Variants in SMYD3 observed in about 807,000 individuals in gnomAD.
The protein encoded by SMYD3 is SET and MYND domain containing 3.
SMYD3 carries 36 observed loss-of-function variants against 57.7 expected under a neutral mutation model. The observed-to-expected ratio is 0.62, with a 90% CI of 0.48 to 0.82. SMYD3 has a LOEUF of 0.82. Ranked by LOEUF, SMYD3 falls within the 40% of genes least tolerant of loss-of-function variation. SMYD3 has a pLI of 0.00. For synonymous variants in SMYD3, 211 were observed against 195.0 expected (o/e 1.08, Z -0.68); for missense variants, 515 against 538.8 (o/e 0.96, Z 0.44).
intron 1 of SMYD3, among the ~76,000 whole-genome samples, chr1:246,481,664 TTA>T (rs1171627823): frequency 2.7e-5 from 3 of 112,790 alleles, no homozygotes; most frequent in African/African-American, 9.3e-5. Flanking sequence ...ATATATATAA[TTA>T]TATATATAAA....
chr1:245,792,415 G>A (rs1379780585), intron 10 of SMYD3, among the ~76,000 whole-genome samples: 3 of 152,116 alleles, frequency 2.0e-5, no homozygotes, highest in Admixed American at 6.5e-5. Context: ...GATTCTCTTG[G>A]TAATCAGATT....
rs762345349 is a variant in SMYD3, at chr1:246,378,654, T to TATAC, written c.165-23561_165-23560insGTAT. The stretch of plus-strand genomic sequence containing the variant: ...AATCTCCCCTTCATATATATATATA[T>TATAC]ACACACACACATATATATATACACA... On this transcript the variant is annotated intron_variant, in intron 1 of 11. Transcript: ENST00000490107. 3.3e-3 allele frequency among the ~76,000 whole-genome samples: 426 copies of TATAC among 128,674 alleles called. 1 individual carries two copies. Among genetic ancestry groups the TATAC allele is most frequent in the South Asian group, 4.9e-3 (21 of 4,322 alleles). The allele number at this position is 128,674 out of a possible 152,430, so 84.4% of individuals were successfully genotyped here.
intron 5 of SMYD3, among the ~76,000 whole-genome samples, chr1:246,205,927 G>T (rs1031694275): frequency 3.3e-5 from 5 of 152,086 alleles, no homozygotes; most frequent in African/African-American, 1.2e-4. Context: ...ATGTAAAGTG[G>T]GGATCACAAT....
Position 246,002,340 on chromosome 1 carries a change from A to G in SMYD3, c.532-72403T>C, listed in dbSNP as rs368948885. Among the ~76,000 whole-genome samples the G allele has an allele frequency of 2.6e-3, 163 of 62,126 alleles. 28 individuals are homozygous for G. The highest frequency in any genetic ancestry group is 0.02 in the East Asian group (50 of 2,446). 40.8% of individuals were successfully genotyped at this position (62,126 alleles called of 152,430 possible). On this transcript the variant is annotated intron_variant, in intron 5 of 11. Transcript: ENST00000490107. ...GCTGGGACTGCAGGCTCCCGCCACC[A>G]CGCCCGGCTAATTTTTTGTATTTTT...
At chr1:246,067,229 C>A (rs1216994949) in intron 5 of SMYD3, among the ~76,000 whole-genome samples, 1 of 152,160 alleles carries the variant, frequency 6.6e-6, no homozygotes, top group Non-Finnish European at 1.5e-5. Flanking sequence ...AATTCTAATA[C>A]AGCAACTGTT....
Position 246,408,663 on chromosome 1 carries a change from C to CTTT in SMYD3, c.165-53572_165-53570dup, listed in dbSNP as rs5782392. ...CCTAATCCCTATCTCAGAAGCAAGTCTTTTTTTTTTTTTTTTTTTTTTTTG... is the reference window on the plus strand; with the variant it reads ...CCTAATCCCTATCTCAGAAGCAAGTCTTTTTTTTTTTTTTTTTTTTTTTTTTTG... On this transcript the variant is annotated intron_variant, in intron 1 of 11. Coordinates refer to ENST00000490107, the MANE Select transcript of SMYD3 (RefSeq NM_001167740.2). Among the ~76,000 whole-genome samples, 95 of 65,514 alleles carry CTTT rather than the reference C, an allele frequency of 1.5e-3. 1 individual carries two copies. The highest frequency in any genetic ancestry group is 3.9e-3 in the African/African-American group (68 of 17,488). The allele number at this position is 65,514 out of a possible 152,430, so 43.0% of individuals were successfully genotyped here. A position where few individuals can be genotyped will look rare whatever the true frequency, so the allele number is the denominator to read the frequency against.
chr1:246,159,610 G>A (rs2148192209), intron 5 of SMYD3, among the ~76,000 whole-genome samples: 1 of 152,276 alleles, frequency 6.6e-6, no homozygotes, highest in African/African-American at 2.4e-5. Flanking sequence ...AGCAAGAATG[G>A]GCACTGGCCT....
At chr1:246,040,871 T>G (rs2059858188) in intron 5 of SMYD3, among the ~76,000 whole-genome samples, 1 of 152,176 alleles carries the variant, frequency 6.6e-6, no homozygotes, top group East Asian at 1.9e-4. Context: ...AGCAAATAAC[T>G]AGAAGATAGA....
chr1:246,067,785 A>G (rs1441144945), intron 5 of SMYD3, among the ~76,000 whole-genome samples: 1 of 152,216 alleles, frequency 6.6e-6, no homozygotes, highest in African/African-American at 2.4e-5. Context: ...GACGCATAAC[A>G]GCAATCTGGA....
At chr1:245,765,141 C>T (rs1042320258) in intron 10 of SMYD3, among the ~76,000 whole-genome samples, 8 of 150,900 alleles carry the variant, frequency 5.3e-5, no homozygotes, top group African/African-American at 2.0e-4. Context: ...AATCCCAGCA[C>T]TTTGGAGGCC....
At chr1:246,000,815 G>A (rs1418630633) in intron 5 of SMYD3, among the ~76,000 whole-genome samples, 2 of 152,216 alleles carry the variant, frequency 1.3e-5, no homozygotes, top group Non-Finnish European at 2.9e-5. Context: ...GACAGAGAAC[G>A]TATCTAACAG....
intron 5 of SMYD3, among the ~76,000 whole-genome samples, chr1:246,060,474 A>T (rs545238509): frequency 6.6e-6 from 1 of 152,288 alleles, no homozygotes; most frequent in Non-Finnish European, 1.5e-5. Flanking sequence ...AACGACAAAA[A>T]TGGCATAACA....
intron 1 of SMYD3, among the ~76,000 whole-genome samples, chr1:246,485,605 G>GA (rs1457074280): frequency 3.9e-5 from 4 of 103,638 alleles, no homozygotes; most frequent in African/African-American, 1.8e-4. Flanking sequence ...AATACAGTGA[G>GA]ACCCCCCCCC....
At chr1:246,387,881 T>TC (rs142341611) in intron 1 of SMYD3, among the ~76,000 whole-genome samples, 2 of 72,124 alleles carry the variant, frequency 2.8e-5, no homozygotes, top group Non-Finnish European at 2.9e-5. Flanking sequence ...AGTCAGTTTC[T>TC]GGGGACCTCC....
At chr1:246,205,752 G>A (rs767608597) in intron 5 of SMYD3, among the ~76,000 whole-genome samples, 21 of 118,972 alleles carry the variant, frequency 1.8e-4, no homozygotes, top group Non-Finnish European at 2.7e-4. Flanking sequence ...CCCAGGAGGC[G>A]AGGTTGCATT....
chr1:245,900,545 G>T (rs1200167216), intron 8 of SMYD3, among the ~76,000 whole-genome samples: 2 of 152,162 alleles, frequency 1.3e-5, no homozygotes, highest in Admixed American at 6.5e-5. Context: ...TCCATGATGA[G>T]ATCTATGAGT....
intron 1 of SMYD3, among the ~76,000 whole-genome samples, chr1:246,485,142 G>C (rs1451488489): frequency 2.6e-4 from 30 of 114,236 alleles, no homozygotes; most frequent in South Asian, 2.9e-4. Flanking sequence ...GAAAACACAT[G>C]ACTTCAACCA....
intron 10 of SMYD3, among the ~76,000 whole-genome samples, chr1:245,855,509 AT>A (rs1164025821): frequency 2.6e-5 from 4 of 152,218 alleles, no homozygotes; most frequent in Non-Finnish European, 5.9e-5. Flanking sequence ...TTTATGAAGT[AT>A]TTTAAAATTA....
chr1:246,338,066 A>C (rs1198179720), intron 2 of SMYD3, among the ~76,000 whole-genome samples: 1 of 152,234 alleles, frequency 6.6e-6, no homozygotes, highest in South Asian at 2.1e-4. Flanking sequence ...CATTTGCTTC[A>C]GCAAAAATAT....
Sources: gnomAD v4.1 joint callset for allele counts (sites outside exome capture counted in the v4.1 genomes callset) on GRCh38, gnomAD v4.1.1 for gene constraint, MANE v1.5 for transcripts, NCBI Gene and HGNC (gene_info 2026-07-23, HGNC 2026-07-21) for gene names.